The following FOCAD variants were observed in gnomAD, a reference collection of about 807,000 sequenced individuals.
FOCAD encodes the protein KIAA1797.
In FOCAD, 198 loss-of-function variants were observed where a neutral mutation model predicts 225.6. That is an observed-to-expected ratio of 0.88 (90% CI 0.78 to 0.99). The LOEUF (loss-of-function observed/expected upper bound fraction) is 0.99, where lower values mean the gene tolerates loss of function less well. Ranked by LOEUF, FOCAD falls within the 50% of genes least tolerant of loss-of-function variation. FOCAD has a pLI of 0.00. For synonymous variants in FOCAD, 897 were observed against 755.0 expected (o/e 1.19, Z -3.08); for missense variants, 2,713 against 2,123.6 (o/e 1.28, Z -5.46).
intron 2 of FOCAD, among the ~76,000 whole-genome samples, chr9:20,669,690 G>C (rs1211703290): frequency 6.6e-6 from 1 of 152,082 alleles, no homozygotes; most frequent in Non-Finnish European, 1.5e-5. Flanking sequence ...CATGAGAATC[G>C]CTTGAACCCA....
intron 21 of FOCAD, chr9:20,897,000 C>T (rs904505146): frequency 4.6e-5 from 7 of 151,810 alleles, no homozygotes; most frequent in African/African-American, 7.2e-5. Flanking sequence ...GTGTTGAAGT[C>T]TCTGGCTATA....
chr9:20,950,338 A>T (rs368843803), intron 33 of FOCAD, among the ~76,000 whole-genome samples: 1 of 152,112 alleles, frequency 6.6e-6, no homozygotes, highest in Non-Finnish European at 1.5e-5. Flanking sequence ...TTCATTTAGC[A>T]TACTTGTTTT....
At chr9:20,664,266 G>C (rs927708193) in intron 2 of FOCAD, among the ~76,000 whole-genome samples, 1 of 148,934 alleles carries the variant, frequency 6.7e-6, no homozygotes, top group Non-Finnish European at 1.5e-5. Context: ...AGACAAGGTT[G>C]ACTAAGTGAT....
intron 2 of FOCAD, among the ~76,000 whole-genome samples, chr9:20,672,218 T>C (rs1244611115): frequency 6.6e-6 from 1 of 152,196 alleles, no homozygotes; most frequent in Non-Finnish European, 1.5e-5. Flanking sequence ...ACAAGTGCAT[T>C]GCAATGTCAT....
intron 2 of FOCAD, among the ~76,000 whole-genome samples, chr9:20,659,454 G>GACAA (rs1345143972): frequency 6.7e-6 from 1 of 149,160 alleles, no homozygotes; most frequent in African/African-American, 2.4e-5. Context: ...CAGACAGACA[G>GACAA]AAAGAAAAAG....
At chr9:20,901,422 A>G (rs1044080386) in intron 21 of FOCAD, among the ~76,000 whole-genome samples, 2 of 151,946 alleles carry the variant, frequency 1.3e-5, no homozygotes, top group African/African-American at 4.8e-5. Flanking sequence ...TACTCTTCCA[A>G]TCCCATTCTA....
At chr9:20,676,361 C>G (rs1822235168) in intron 2 of FOCAD, among the ~76,000 whole-genome samples, 1 of 152,172 alleles carries the variant, frequency 6.6e-6, no homozygotes, top group South Asian at 2.1e-4. Flanking sequence ...ATTTTTAAAA[C>G]TCAGGCCTGA....
chr9:20,919,783 C>T (rs558261352), intron 24 of FOCAD, among the ~76,000 whole-genome samples: 8 of 152,224 alleles, frequency 5.3e-5, no homozygotes, highest in African/African-American at 1.9e-4. Flanking sequence ...AACTGGATCC[C>T]TTCCTTACAC....
chr9:20,797,517 T>G (rs1376794855), intron 11 of FOCAD, among the ~76,000 whole-genome samples: 1 of 152,154 alleles, frequency 6.6e-6, no homozygotes, highest in East Asian at 1.9e-4. Context: ...TAGTTCTCCT[T>G]GAAGAGGTCC....
intron 15 of FOCAD, among the ~76,000 whole-genome samples, chr9:20,838,947 G>A (rs1253502694): frequency 6.6e-6 from 1 of 152,028 alleles, no homozygotes; most frequent in Non-Finnish European, 1.5e-5. Flanking sequence ...TGGATTGGTG[G>A]TTTCCTTACT....
intron 25 of FOCAD, 148 bp downstream of exon 25, chr9:20,923,916 G>T: frequency 6.6e-6 from 4 of 606,162 alleles, no homozygotes; most frequent in Non-Finnish European, 8.7e-6. Flanking sequence ...GTGAGCCTCA[G>T]TGTCTTCCTA....
At chr9:20,880,599 A>G (rs1283331329) in intron 19 of FOCAD, among the ~76,000 whole-genome samples, 1 of 152,130 alleles carries the variant, frequency 6.6e-6, no homozygotes. Flanking sequence ...TAAATGGAAA[A>G]CGTCACATAT....
At chr9:20,773,379 C>T (rs1314035936) in intron 8 of FOCAD, among the ~76,000 whole-genome samples, 2 of 152,142 alleles carry the variant, frequency 1.3e-5, no homozygotes. Flanking sequence ...TGGGCCTTAT[C>T]CCTAATGATA....
At chr9:20,682,194 G>A (rs1270574241), upstream of FOCAD, among the ~76,000 whole-genome samples, 1 of 152,214 alleles carries the variant, frequency 6.6e-6, no homozygotes, top group Non-Finnish European at 1.5e-5. Context: ...TTGCAGAACT[G>A]TGAACAATAA....
At chr9:20,851,234 G>A (rs1221406002) in intron 15 of FOCAD, among the ~76,000 whole-genome samples, 4 of 150,520 alleles carry the variant, frequency 2.7e-5, no homozygotes, top group African/African-American at 9.8e-5. Flanking sequence ...CGTGGGGTGG[G>A]GGGGTGTTAT....
At chr9:20,739,564 T>C (rs4978018) in intron 4 of FOCAD, among the ~76,000 whole-genome samples, 60,932 of 151,148 alleles carry the variant, frequency 0.4, 12,643 homozygotes, top group East Asian at 0.52. Context: ...GATCGTGCCA[T>C]TGAACTACAG....
At chr9:20,961,852 C>G (rs777069423) in intron 35 of FOCAD, among the ~76,000 whole-genome samples, 4 of 152,122 alleles carry the variant, frequency 2.6e-5, no homozygotes, top group Non-Finnish European at 5.9e-5. Flanking sequence ...TTTTAAGAGG[C>G]CTTGGGATAT....
Position 20,789,358 on chromosome 9 carries a change from A to T in FOCAD, c.1205A>T (p.Tyr402Phe). 2 of 1,610,604 alleles carry T rather than the reference A, an allele frequency of 1.2e-6. No homozygotes were observed. The highest frequency in any genetic ancestry group is 1.7e-6 in the Non-Finnish European group (2 of 1,176,998). ...CYRDDHQKLS[Y>F]KLVCPVTSMY... ...CTTGTCTTTATTTTTCAGCTCTCCT[A>T]CAAGCTTGTGTGCCCTGTAACCAGT... Residue 402 changes from tyrosine (Y) to phenylalanine (F), a missense_variant, in exon 11 of 44, where the codon TAC (tyrosine) becomes TTC (phenylalanine). By Grantham distance (22) the Tyr-to-Phe change is conservative. Transcript: ENST00000338382.
chr9:20,981,987 T>C (rs1220919823), intron 38 of FOCAD, among the ~76,000 whole-genome samples: 4 of 152,158 alleles, frequency 2.6e-5, no homozygotes, highest in Non-Finnish European at 5.9e-5. Flanking sequence ...GTCCTTACGC[T>C]TTACACCTGG....
Sources: allele counts gnomAD v4.1 joint callset (sites outside exome capture counted in the v4.1 genomes callset), GRCh38; gene constraint gnomAD v4.1.1; transcripts MANE v1.5; gene names NCBI Gene and HGNC (gene_info 2026-07-23, HGNC 2026-07-21).